The following ITGB1 variants were observed in gnomAD, a reference collection of about 807,000 sequenced individuals.
ITGB1 encodes the protein integrin subunit beta 1, also known as integrin beta-1.
A neutral mutation model predicts 86.5 loss-of-function variants in ITGB1; 24 were observed. The observed-to-expected ratio is 0.28, with a 90% confidence interval of 0.20 to 0.39. ITGB1 has a LOEUF of 0.39. ITGB1 is among the 10% of genes least tolerant of loss of function. The pLI is 1.00. For missense variants in ITGB1, 556 were observed against 946.9 expected (o/e 0.59, Z 5.42); for synonymous variants, 323 against 316.8 (o/e 1.02, Z -0.21).
intron 1 of ITGB1, among the ~76,000 whole-genome samples, chr10:32,954,714 G>T (rs2095049015): frequency 6.6e-6 from 1 of 152,100 alleles, no homozygotes; most frequent in South Asian, 2.1e-4. Flanking sequence ...GGTCCTATAA[G>T]AAATACATAC....
intron 2 of ITGB1, 72 bp downstream of exon 2, chr10:32,935,420 G>T: frequency 1.1e-6 from 1 of 914,232 alleles, no homozygotes; most frequent in Non-Finnish European, 1.8e-6. Context: ...GTTCTCATAT[G>T]AACCTAACTG....
intron 1 of ITGB1, among the ~76,000 whole-genome samples, chr10:32,940,376 A>G (rs1490806365): frequency 6.6e-6 from 1 of 152,120 alleles, no homozygotes; most frequent in Non-Finnish European, 1.5e-5. Context: ...AATATAGTGC[A>G]GTAAATATAT....
In ITGB1 at chr10:32,911,641, C is replaced by G. The variant is rs2094913787; in HGVS notation, c.1738G>C (p.Glu580Gln). The G allele has an allele frequency of 6.2e-7, 1 of 1,614,132 alleles. No homozygotes were observed. The change falls in exon 13 of 16, where the codon GAG (glutamate) becomes CAG (glutamine). Residue 580 changes from glutamate to glutamine, a missense_variant. Glu to Gln is a conservative substitution (Grantham distance 29, BLOSUM62 2). Transcript: ENST00000302278. ...GNGVCKCRVCECNPNYTGSAC... is the reference protein window; with the variant it reads ...GNGVCKCRVCQCNPNYTGSAC... Reference sequence around the variant, plus strand: ...CTGCCAGTGTAGTTGGGGTTGCACTCACACACACGACACTTGCAAACACCA... The same window carrying G: ...CTGCCAGTGTAGTTGGGGTTGCACTGACACACACGACACTTGCAAACACCA...
rs775180470 is a variant in ITGB1 at position 32,902,040 on chromosome 10, G to A, written c.2332-405C>T. The stretch of plus-strand genomic sequence containing the variant: ...TATCCCTTTATCGTGAACAGAAGGC[G>A]CCTGCTAATCAAAACGGGAATCCTC... On this transcript the variant is annotated intron_variant, in intron 15 of 15. Transcript: ENST00000302278. Among the ~76,000 whole-genome samples the A allele has an allele frequency of 2.6e-5, 4 of 152,092 alleles. No homozygotes were observed. In the East Asian group the frequency reaches 5.8e-4, roughly 22 times the overall value.
At position 32,912,060 on chromosome 10, in the gene ITGB1, T is replaced by C. The variant is rs55976044; in HGVS notation, c.1534A>G (p.Met512Val). 6.2e-6 allele frequency: 10 copies of C among 1,614,250 alleles called. No individual in the cohort carries two copies. Among genetic ancestry groups the C allele is most frequent in the Admixed American group, 1.7e-5 (1 of 60,026 alleles). The change falls in exon 12 of 16, where the codon ATG (methionine) becomes GTG (valine). Residue 512 changes from methionine (M) to valine (V), a missense_variant. By Grantham distance (21) the Met-to-Val change is conservative. This residue lies in a region of ITGB1 where 330 missense variants were observed against 531.5 expected (regional missense o/e 0.62). Coordinates refer to ENST00000302278, the MANE Select transcript of ITGB1 (RefSeq NM_002211.4). ...TTTTCTTTCCTGCAGTAAGCATCCA[T>C]GTCTTCACTGTTAACTTCATCTGTG... is the stretch of plus-strand genomic sequence containing the variant. ...CSTDEVNSED[M>V]DAYCRKENSS...
chr10:32,912,679 G>A (rs1277545370), intron 11 of ITGB1, among the ~76,000 whole-genome samples: 2 of 152,218 alleles, frequency 1.3e-5, no homozygotes, highest in East Asian at 3.9e-4. Context: ...AAAACTGGGT[G>A]AAGCCCATTG....
intron 11 of ITGB1, 29 bp from the exon 12 acceptor site, chr10:32,912,153 C>A (rs2094915434): frequency 6.3e-7 from 1 of 1,579,270 alleles, no homozygotes; most frequent in Non-Finnish European, 8.7e-7. Flanking sequence ...ATTGCAATCA[C>A]ACAAAACAAA....
At chr10:32,914,983 A>C (rs2094927040) in intron 11 of ITGB1, among the ~76,000 whole-genome samples, 1 of 152,264 alleles carries the variant, frequency 6.6e-6, no homozygotes, top group Non-Finnish European at 1.5e-5. Flanking sequence ...CCACAGTGCA[A>C]TCAAGCTAGA....
rs888215729 is a variant in ITGB1 at position 32,929,892 on chromosome 10, T to C, written c.306A>G (p.Thr102=). 6.2e-7 allele frequency: 1 copy of C among 1,613,372 alleles called. No homozygotes were observed. ...NKNVTNRSKG[T]AEKLKPEDIT... ...TATCCTCTGGCTTGAGCTTCTCTGC[T>C]GTTCCTTTGCTACGGTTGGTTACAT... Residue 102 remains threonine, a synonymous_variant, in exon 4 of 16, where the codon ACA becomes ACG. Coordinates refer to ENST00000302278, the MANE Select transcript of ITGB1 (RefSeq NM_002211.4).
chr10:32,917,616 A>C (rs1453019982), intron 11 of ITGB1, among the ~76,000 whole-genome samples: 1 of 152,244 alleles, frequency 6.6e-6, no homozygotes, highest in Non-Finnish European at 1.5e-5. Flanking sequence ...TGGCCATCAG[A>C]GAAATGCAAA....
intron 2 of ITGB1, among the ~76,000 whole-genome samples, chr10:32,932,925 CTT>C (rs930483977): frequency 6.6e-6 from 1 of 152,018 alleles, no homozygotes; most frequent in East Asian, 1.9e-4. Flanking sequence ...CAATTATACT[CTT>C]TTAGTTATTT....
At chr10:32,943,646 A>G (rs1224407753) in intron 1 of ITGB1, among the ~76,000 whole-genome samples, 2 of 152,216 alleles carry the variant, frequency 1.3e-5, no homozygotes, top group African/African-American at 4.8e-5. Flanking sequence ...ACAATTTCAG[A>G]GACAGGCAGT....
At chr10:32,919,612 A>T (rs1684119278) in intron 11 of ITGB1, among the ~76,000 whole-genome samples, 1 of 152,178 alleles carries the variant, frequency 6.6e-6, no homozygotes, top group Admixed American at 6.5e-5. Context: ...ACATGAGAGA[A>T]ACGCTACCTT....
intron 15 of ITGB1, among the ~76,000 whole-genome samples, chr10:32,907,439 T>C (rs2094899901): frequency 6.6e-6 from 1 of 152,176 alleles, no homozygotes; most frequent in Non-Finnish European, 1.5e-5. Context: ...AAGCACTCAA[T>C]GCTAACATAA....
chr10:32,911,741 A>G, intron 12 of ITGB1, 71 bp from the exon 13 acceptor site: 3 of 1,530,408 alleles, frequency 2.0e-6, no homozygotes, highest in Non-Finnish European at 2.7e-6. Flanking sequence ...AAAGTAAAAT[A>G]AGCAACAACA....
chr10:32,955,086 A>C (rs2095049820), intron 1 of ITGB1, among the ~76,000 whole-genome samples: 1 of 152,138 alleles, frequency 6.6e-6, no homozygotes, highest in Non-Finnish European at 1.5e-5. Flanking sequence ...ATACCATAAT[A>C]TCTTTTCAGT....
chr10:32,926,902 A>G (rs2137217384), intron 5 of ITGB1, among the ~76,000 whole-genome samples: 1 of 151,264 alleles, frequency 6.6e-6, no homozygotes, highest in African/African-American at 2.4e-5. Context: ...TCTCACCTCC[A>G]GAGCTGTGAG....
At chr10:32,922,780 TA>T in intron 7 of ITGB1, 45 bp from the exon 8 acceptor site, 1 of 1,047,716 alleles carries the variant, frequency 9.5e-7, no homozygotes, top group Non-Finnish European at 1.4e-6. Flanking sequence ...TACACCCTTA[TA>T]ATCTCTTCTA....
intron 1 of ITGB1, among the ~76,000 whole-genome samples, chr10:32,953,051 T>G (rs1742317764): frequency 6.6e-6 from 1 of 152,186 alleles, no homozygotes; most frequent in African/African-American, 2.4e-5. Context: ...GGTAACAAAG[T>G]GGCCAGGTAC....
Sources: gnomAD v4.1 joint callset for allele counts (sites outside exome capture counted in the v4.1 genomes callset) on GRCh38, gnomAD v4.1.1 for gene constraint, gnomAD v4.1.1 regional missense constraint, MANE v1.5 for transcripts, NCBI Gene and HGNC (gene_info 2026-07-23, HGNC 2026-07-21) for gene names.